The following CCDC146 variants were observed in gnomAD, a reference collection of about 807,000 sequenced individuals.
CCDC146 encodes the protein coiled-coil domain containing 146, also known as coiled-coil domain-containing protein 146.
In CCDC146, 92 loss-of-function variants were observed where a neutral mutation model predicts 119.3. The ratio of observed to expected loss-of-function variants is 0.77; its 90% CI spans 0.65 to 0.92. The LOEUF (loss-of-function observed/expected upper bound fraction) is 0.92. Among genes scored for constraint, CCDC146 ranks in the 40% least tolerant of loss-of-function variants. The pLI is 0.00. For missense variants in CCDC146, 1,000 were observed against 1,103.0 expected, an observed-to-expected ratio of 0.91 and a Z score of 1.32; for synonymous variants, 372 against 371.8, an observed-to-expected ratio of 1.00 and a Z score of -0.01.
At chr7:77,176,219 T>C (rs1365023345) in intron 2 of CCDC146, among the ~76,000 whole-genome samples, 4 of 151,118 alleles carry the variant, frequency 2.6e-5, no homozygotes, top group Non-Finnish European at 4.4e-5. Flanking sequence ...GCTCCTGGGT[T>C]CTGTCAGTTG....
At chr7:77,279,239 G>C (rs1401814925) in intron 13 of CCDC146, 138 bp downstream of exon 13, 9 of 641,282 alleles carry the variant, frequency 1.4e-5, no homozygotes, top group Non-Finnish European at 7.6e-6. Flanking sequence ...CCTCCAGCCT[G>C]GGTGACAGAA....
chr7:77,207,837 G>A (rs1003639665), intron 2 of CCDC146, among the ~76,000 whole-genome samples: 2 of 152,164 alleles, frequency 1.3e-5, no homozygotes, highest in Non-Finnish European at 2.9e-5. Flanking sequence ...CAATATAATA[G>A]CAAAGCAGAT....
intron 3 of CCDC146, among the ~76,000 whole-genome samples, chr7:77,238,017 T>G (rs1257200080): frequency 2.0e-5 from 3 of 152,196 alleles, no homozygotes; most frequent in African/African-American, 7.2e-5. Context: ...CTTCTTATCT[T>G]GCCCAGAGAT....
chr7:77,134,553 GTGTGTGTGTC>G (rs1372512881), intron 1 of CCDC146, among the ~76,000 whole-genome samples: 4 of 115,238 alleles, frequency 3.5e-5, no homozygotes, highest in Non-Finnish European at 5.3e-5. Context: ...GTGTGTGTGT[GTGTGTGTGTC>G]TGTGTGTGTG....
At chr7:77,247,963 C>G (rs1792985810) in intron 4 of CCDC146, among the ~76,000 whole-genome samples, 1 of 152,072 alleles carries the variant, frequency 6.6e-6, no homozygotes, top group East Asian at 1.9e-4. Flanking sequence ...GAAATCATAT[C>G]CAAAAGATAC....
chr7:77,231,874 G>A (rs1792637409), intron 2 of CCDC146, among the ~76,000 whole-genome samples: 1 of 151,108 alleles, frequency 6.6e-6, no homozygotes, highest in African/African-American at 2.4e-5. Context: ...TATGGGATGG[G>A]GGTCATATTT....
intron 2 of CCDC146, among the ~76,000 whole-genome samples, chr7:77,171,463 T>C (rs1791420230): frequency 6.6e-6 from 1 of 152,182 alleles, no homozygotes; most frequent in African/African-American, 2.4e-5. Context: ...CCATATACCT[T>C]AATAAAGGTG....
chr7:77,124,844 C>T (rs1790670845), intron 1 of CCDC146, among the ~76,000 whole-genome samples: 1 of 152,106 alleles, frequency 6.6e-6, no homozygotes, highest in East Asian at 1.9e-4. Flanking sequence ...ATTAGGGATG[C>T]TCAAGGAATT....
intron 2 of CCDC146, among the ~76,000 whole-genome samples, chr7:77,234,294 C>T (rs1422747573): frequency 6.7e-6 from 1 of 149,546 alleles, no homozygotes; most frequent in African/African-American, 2.5e-5. Flanking sequence ...GCCATAGTAA[C>T]TATGGTCTGT....
At chr7:77,139,708 A>T (rs557149389) in intron 1 of CCDC146, among the ~76,000 whole-genome samples, 24 of 152,146 alleles carry the variant, frequency 1.6e-4, no homozygotes, top group African/African-American at 4.3e-4. Context: ...AGTCTTAAAA[A>T]ATTCACTTTA....
At chr7:77,172,891 C>T (rs949440700) in intron 2 of CCDC146, among the ~76,000 whole-genome samples, 1 of 152,134 alleles carries the variant, frequency 6.6e-6, no homozygotes, top group Non-Finnish European at 1.5e-5. Context: ...TGTTCCTAAC[C>T]TTTGAGATCC....
chr7:77,276,651 G>C (rs1190518178), intron 11 of CCDC146, among the ~76,000 whole-genome samples: 1 of 152,158 alleles, frequency 6.6e-6, no homozygotes, highest in African/African-American at 2.4e-5. Context: ...TGGAGTAGTT[G>C]GGTTTCACTA....
chr7:77,141,078 C>A (rs527263193), intron 1 of CCDC146, among the ~76,000 whole-genome samples: 41 of 152,272 alleles, frequency 2.7e-4, no homozygotes, highest in Admixed American at 7.2e-4. Flanking sequence ...TAGCCCCACA[C>A]CCCCTGACAG....
At chr7:77,218,856 G>A (rs772828356) in intron 2 of CCDC146, among the ~76,000 whole-genome samples, 14 of 151,882 alleles carry the variant, frequency 9.2e-5, no homozygotes, top group Non-Finnish European at 1.9e-4. Flanking sequence ...ATAGACATGA[G>A]CCACCATGCC....
intron 1 of CCDC146, among the ~76,000 whole-genome samples, chr7:77,136,904 C>G (rs1790867471): frequency 6.6e-6 from 1 of 152,128 alleles, no homozygotes; most frequent in Admixed American, 6.5e-5. Context: ...TTATATACCA[C>G]TACCAAATGG....
At chr7:77,270,106 G>C (rs543394869) in intron 9 of CCDC146, among the ~76,000 whole-genome samples, 2 of 152,274 alleles carry the variant, frequency 1.3e-5, no homozygotes, top group East Asian at 3.9e-4. Context: ...TGAAAGGTTG[G>C]AATGCTTTAG....
intron 13 of CCDC146, among the ~76,000 whole-genome samples, chr7:77,280,159 A>G (rs1474290209): frequency 1.3e-5 from 2 of 152,182 alleles, no homozygotes; most frequent in East Asian, 3.8e-4. Context: ...GAATGACTGC[A>G]GTCTCTCGCT....
chr7:77,192,141 G>A (rs976403963), intron 2 of CCDC146, among the ~76,000 whole-genome samples: 6 of 151,946 alleles, frequency 3.9e-5, no homozygotes, highest in African/African-American at 1.4e-4. Context: ...TGGCCAGGCT[G>A]GTCTCACGTG....
intron 2 of CCDC146, among the ~76,000 whole-genome samples, chr7:77,192,568 A>T (rs1246514832): frequency 3.3e-5 from 5 of 152,256 alleles, no homozygotes; most frequent in Non-Finnish European, 7.3e-5. Flanking sequence ...TGGCAGAAGT[A>T]TAAGTAGTGG....
Sources: gnomAD v4.1 joint callset for allele counts (sites outside exome capture counted in the v4.1 genomes callset) on GRCh38, gnomAD v4.1.1 for gene constraint, MANE v1.5 for transcripts, NCBI Gene and HGNC (gene_info 2026-07-23, HGNC 2026-07-21) for gene names.